The following FGF7 variants were observed in gnomAD, a reference collection of about 807,000 sequenced individuals.
FGF7 encodes fibroblast growth factor 7.
In FGF7, 6 loss-of-function variants were observed where a neutral mutation model predicts 20.5. The ratio of observed to expected loss-of-function variants is 0.29; its 90% CI spans 0.16 to 0.58. The LOEUF (loss-of-function observed/expected upper bound fraction) is 0.58, where lower values mean the gene tolerates loss of function less well. FGF7 is among the 20% of genes least tolerant of loss of function. FGF7 has a pLI of 0.90. For synonymous variants in FGF7, 64 were observed against 74.7 expected, an observed-to-expected ratio of 0.86 and a Z score of 0.74; for missense variants, 144 against 228.8, an observed-to-expected ratio of 0.63 and a Z score of 2.39.
intron 2 of FGF7, among the ~76,000 whole-genome samples, chr15:49,482,109 G>A (rs1366181167): frequency 7.2e-5 from 11 of 152,076 alleles, no homozygotes; most frequent in African/African-American, 2.7e-4. Context: ...ACTTTTCTTT[G>A]CACTGTGTTA....
chr15:49,442,582 C>T (rs1287339989), intron 2 of FGF7, among the ~76,000 whole-genome samples: 1 of 151,724 alleles, frequency 6.6e-6, no homozygotes, highest in East Asian at 1.9e-4. Flanking sequence ...CTTTCCTTAT[C>T]CCTCACTCCC....
intron 2 of FGF7, among the ~76,000 whole-genome samples, chr15:49,475,089 G>C (rs2055140436): frequency 6.6e-6 from 1 of 152,136 alleles, no homozygotes; most frequent in Admixed American, 6.6e-5. Flanking sequence ...AAGATCTATA[G>C]AATTGGTTAC....
chr15:49,472,047 A>C (rs2054831383), intron 2 of FGF7, among the ~76,000 whole-genome samples: 1 of 151,836 alleles, frequency 6.6e-6, no homozygotes, highest in Admixed American at 6.6e-5. Flanking sequence ...TGTGAAAGTA[A>C]ACACCTGGCC....
At chr15:49,455,618 A>G (rs1304265869) in intron 2 of FGF7, among the ~76,000 whole-genome samples, 3 of 152,152 alleles carry the variant, frequency 2.0e-5, no homozygotes, top group Non-Finnish European at 4.4e-5. Flanking sequence ...TTAAAGAAAT[A>G]TTTTTAACAA....
At chr15:49,479,987 G>A (rs889179354) in intron 2 of FGF7, among the ~76,000 whole-genome samples, 2 of 152,154 alleles carry the variant, frequency 1.3e-5, no homozygotes, top group African/African-American at 4.8e-5. Context: ...GTGAACAAAA[G>A]AGTGATAATG....
chr15:49,453,491 C>T (rs2052974933), intron 2 of FGF7, among the ~76,000 whole-genome samples: 1 of 152,134 alleles, frequency 6.6e-6, no homozygotes, highest in Non-Finnish European at 1.5e-5. Context: ...CTTTACAACA[C>T]ACCTTAATTC....
chr15:49,471,250 C>G (rs772502026), intron 2 of FGF7, among the ~76,000 whole-genome samples: 1 of 66,146 alleles, frequency 1.5e-5, no homozygotes, highest in East Asian at 4.9e-4. Context: ...CTTTGGGAGG[C>G]CGAGGTGGGT....
rs115705776 is a variant in FGF7, at chr15:49,471,200, G to A, written c.287-11951G>A. On this transcript the variant is annotated intron_variant, in intron 2 of 3. Transcript: ENST00000267843. ...AACCATCATTAAGAATATGGCAAAT[G>A]TGAGGCCGGATACAGTGACTCGTGC... 2.0e-3 allele frequency among the ~76,000 whole-genome samples: 311 copies of A among 152,154 alleles called. 2 individuals are homozygous for A. The highest frequency in any genetic ancestry group is 7.1e-3 in the African/African-American group (295 of 41,520).
intron 2 of FGF7, among the ~76,000 whole-genome samples, chr15:49,465,672 AATCTGAG>A (rs909276157): frequency 3.9e-5 from 6 of 152,180 alleles, no homozygotes; most frequent in African/African-American, 1.2e-4. Context: ...CATAAAATAC[AATCTGAG>A]ATAAAGTATT....
At chr15:49,474,890 T>G (rs890064043) in intron 2 of FGF7, among the ~76,000 whole-genome samples, 2 of 152,134 alleles carry the variant, frequency 1.3e-5, no homozygotes, top group African/African-American at 4.8e-5. Flanking sequence ...TCCCCCCGGC[T>G]CCCGTCCCCT....
At chr15:49,443,317 A>G (rs553244581) in intron 2 of FGF7, among the ~76,000 whole-genome samples, 16 of 151,522 alleles carry the variant, frequency 1.1e-4, no homozygotes, top group Non-Finnish European at 2.2e-4. Context: ...TTTCTAATGT[A>G]TTTATATGAT....
At chr15:49,429,292 A>G (rs151235145) in intron 2 of FGF7, among the ~76,000 whole-genome samples, 7 of 152,114 alleles carry the variant, frequency 4.6e-5, no homozygotes, top group African/African-American at 1.4e-4. Flanking sequence ...AGGGCTTTAA[A>G]TTATGAAGAA....
At chr15:49,476,511 TAC>T (rs1224005866) in intron 2 of FGF7, among the ~76,000 whole-genome samples, 1 of 152,044 alleles carries the variant, frequency 6.6e-6, no homozygotes, top group African/African-American at 2.4e-5. Flanking sequence ...ATTATGACCT[TAC>T]TCCTCTTTAC....
intron 2 of FGF7, among the ~76,000 whole-genome samples, chr15:49,478,947 G>C (rs1382263915): frequency 6.6e-6 from 1 of 152,084 alleles, no homozygotes; most frequent in Non-Finnish European, 1.5e-5. Context: ...AATTATGAAA[G>C]ATTTTAGAGA....
chr15:49,483,024 G>A, intron 2 of FGF7, 127 bp from the exon 3 acceptor site: 8 of 683,968 alleles, frequency 1.2e-5, no homozygotes, highest in Non-Finnish European at 2.1e-5. Flanking sequence ...GTCTTGGGCT[G>A]AGTAAATAAT....
chr15:49,440,092 A>G (rs2051494606), intron 2 of FGF7, among the ~76,000 whole-genome samples: 1 of 151,814 alleles, frequency 6.6e-6, no homozygotes, highest in Admixed American at 6.6e-5. Context: ...TCACGAAAAG[A>G]TAACTTTTCA....
chr15:49,458,603 T>C (rs930483990), intron 2 of FGF7, among the ~76,000 whole-genome samples: 1 of 152,144 alleles, frequency 6.6e-6, no homozygotes, highest in Non-Finnish European at 1.5e-5. Context: ...CTTGTCTTTA[T>C]AGAAATCAGA....
chr15:49,430,372 C>A (rs1244017161), intron 2 of FGF7, among the ~76,000 whole-genome samples: 1 of 151,758 alleles, frequency 6.6e-6, no homozygotes, highest in Non-Finnish European at 1.5e-5. Context: ...TGACTATGAA[C>A]TCAGATGCTC....
At chr15:49,454,744 G>A (rs976748954) in intron 2 of FGF7, among the ~76,000 whole-genome samples, 6 of 152,098 alleles carry the variant, frequency 3.9e-5, no homozygotes, top group Non-Finnish European at 8.8e-5. Flanking sequence ...CAAGTAGCTG[G>A]GATTATAGGC....
Sources: allele counts gnomAD v4.1 joint callset (sites outside exome capture counted in the v4.1 genomes callset), GRCh38; gene constraint gnomAD v4.1.1; transcripts MANE v1.5; gene names NCBI Gene and HGNC (gene_info 2026-07-23, HGNC 2026-07-21).